SH3GL3: variants seen among roughly 807,000 people sequenced by gnomAD.
SH3GL3 encodes endophilin-A3.
SH3GL3 carries 33 observed loss-of-function variants against 47.7 expected under a neutral mutation model. That is an observed-to-expected ratio of 0.69 (90% CI 0.52 to 0.92). The LOEUF is 0.92. SH3GL3 is among the 40% of genes least tolerant of loss of function. The pLI is 0.00. For missense variants in SH3GL3, 363 were observed against 417.8 expected (o/e 0.87, Z 1.14); for synonymous variants, 155 against 148.8 (o/e 1.04, Z -0.30).
intron 3 of SH3GL3, among the ~76,000 whole-genome samples, chr15:83,566,821 G>T (rs1287095326): frequency 6.6e-6 from 1 of 152,110 alleles, no homozygotes; most frequent in African/African-American, 2.4e-5. Context: ...AATGTGAGTG[G>T]CACTCACAGC....
chr15:83,508,581 CT>C (rs1185421640), intron 1 of SH3GL3, among the ~76,000 whole-genome samples: 1 of 149,102 alleles, frequency 6.7e-6, no homozygotes, highest in Admixed American at 6.7e-5. Flanking sequence ...GATGGGCTTA[CT>C]TTTTTTTTTC....
chr15:83,629,411 C>G, the SH3GL3 span, among the ~76,000 whole-genome samples: 1 of 152,212 alleles, frequency 6.6e-6, no homozygotes, highest in Non-Finnish European at 1.5e-5. Context: ...AAAGCATGGT[C>G]AATTTATTTC....
chr15:83,462,862 A>T (rs1010407000), intron 1 of SH3GL3, among the ~76,000 whole-genome samples: 4 of 152,184 alleles, frequency 2.6e-5, no homozygotes. Flanking sequence ...ATGGCTTGAT[A>T]CTGACTTCCA....
At chr15:83,623,697 C>A (rs2060921036), downstream of SH3GL3, among the ~76,000 whole-genome samples, 1 of 152,214 alleles carries the variant, frequency 6.6e-6, no homozygotes, top group African/African-American at 2.4e-5. Context: ...TATGAATAGC[C>A]ATTAGCTATT....
At chr15:83,467,031 G>A (rs924167499) in intron 1 of SH3GL3, among the ~76,000 whole-genome samples, 52 of 152,258 alleles carry the variant, frequency 3.4e-4, no homozygotes, top group African/African-American at 1.2e-3. Flanking sequence ...CTTTTACAGA[G>A]CAAAAGTTTT....
rs747131301 is a variant in SH3GL3 at position 83,501,560 on chromosome 15, C to T, written c.45+53982C>T. 6.6e-5 allele frequency among the ~76,000 whole-genome samples: 10 copies of T among 152,146 alleles called. No individual in the cohort carries two copies. In the South Asian group the frequency reaches 8.3e-4, roughly 13 times the overall value. ...GTTTGGGTGCAAGATCTCAGTTACT[C>T]GTCCTACACATGAGAAAACCCTTCT... On this transcript the variant is annotated intron_variant, in intron 1 of 8. Coordinates refer to ENST00000427482, the MANE Select transcript of SH3GL3 (RefSeq NM_003027.5).
At chr15:83,510,154 A>G (rs536516048) in intron 1 of SH3GL3, among the ~76,000 whole-genome samples, 1 of 152,238 alleles carries the variant, frequency 6.6e-6, no homozygotes, top group Admixed American at 6.5e-5. Flanking sequence ...TCATCAGACA[A>G]CTTCATCCAG....
At position 83,447,434 on chromosome 15, in the gene SH3GL3, C is replaced by A; in HGVS notation, c.-100C>A. The A allele has an allele frequency of 1.9e-6, 2 of 1,055,590 alleles. No homozygotes were observed. Among genetic ancestry groups the A allele is most frequent in the Non-Finnish European group, 2.5e-6 (2 of 806,438 alleles). 65.4% of individuals were successfully genotyped at this position (1,055,590 alleles called of 1,614,324 possible). Reference sequence around the variant, plus strand: ...GGAGGCGGGCCCGGCGGAGCCCAGCCGCGGGGGGACCGGCCCGGGCTCCCG... The same window carrying A: ...GGAGGCGGGCCCGGCGGAGCCCAGCAGCGGGGGGACCGGCCCGGGCTCCCG... On this transcript the variant is annotated 5_prime_UTR_variant, in exon 1 of 9. Transcript: ENST00000427482. This position sits in a 1 kb window ranked among gnomAD's most constrained non-coding sequence, Gnocchi z 5.1.
the SH3GL3 span, among the ~76,000 whole-genome samples, chr15:83,632,272 A>T: frequency 6.6e-6 from 1 of 152,180 alleles, no homozygotes; most frequent in Non-Finnish European, 1.5e-5. Flanking sequence ...AAACTGTTCC[A>T]ACCCCTGCCT....
intron 1 of SH3GL3, chr15:83,490,713 C>A: frequency 6.7e-7 from 1 of 1,503,286 alleles, no homozygotes; most frequent in Non-Finnish European, 9.0e-7. Context: ...CTCACAAGGG[C>A]AATATCATCC....
intron 8 of SH3GL3, among the ~76,000 whole-genome samples, chr15:83,604,109 G>A (rs2060457292): frequency 6.6e-6 from 1 of 152,032 alleles, no homozygotes; most frequent in African/African-American, 2.4e-5. Context: ...TCGCACCATT[G>A]CACTCCAGGC....
chr15:83,580,594 C>T (rs1259804049), intron 6 of SH3GL3, among the ~76,000 whole-genome samples: 1 of 152,244 alleles, frequency 6.6e-6, no homozygotes, highest in Non-Finnish European at 1.5e-5. Context: ...AGGGACATCT[C>T]TTTAACTGAT....
chr15:83,471,449 C>T (rs1047157989), intron 1 of SH3GL3, among the ~76,000 whole-genome samples: 1 of 152,200 alleles, frequency 6.6e-6, no homozygotes, highest in Non-Finnish European at 1.5e-5. Context: ...TAACTTAGAA[C>T]TATAACAAAC....
chr15:83,543,448 T>A (rs1358765469), intron 1 of SH3GL3, among the ~76,000 whole-genome samples: 1 of 151,934 alleles, frequency 6.6e-6, no homozygotes, highest in Non-Finnish European at 1.5e-5. Context: ...TGTTGTTGTT[T>A]TGTTTGTTTG....
Position 83,448,286 on chromosome 15 carries a change from A to T in SH3GL3, c.45+708A>T, listed in dbSNP as rs1237662945. ...CTCCACGCACAGAGGATGACAAATA[A>T]CACAGTGGGGGCGTCAGGGAGAGCT... On this transcript the variant is annotated intron_variant, in intron 1 of 8. Transcript: ENST00000427482. The surrounding 1 kb of genome is among the most constrained non-coding windows in gnomAD (Gnocchi z 4.2). 1.3e-5 allele frequency among the ~76,000 whole-genome samples: 2 copies of T among 152,110 alleles called. No homozygotes were observed. The highest frequency in any genetic ancestry group is 4.8e-5 in the African/African-American group (2 of 41,430).
intron 1 of SH3GL3, among the ~76,000 whole-genome samples, chr15:83,456,372 T>G (rs8028229): frequency 0.81 from 20,617 of 25,430 alleles, 9,143 homozygotes; most frequent in East Asian, 0.93. Flanking sequence ...GTTTACCTAA[T>G]CAAGCCTGGG....
intron 1 of SH3GL3, among the ~76,000 whole-genome samples, chr15:83,535,717 T>A (rs959644084): frequency 2.6e-5 from 4 of 152,200 alleles, no homozygotes; most frequent in Non-Finnish European, 5.9e-5. Flanking sequence ...CACATTTTGC[T>A]ATGAAATCAA....
chr15:83,519,809 G>A (rs962432017), intron 1 of SH3GL3, among the ~76,000 whole-genome samples: 4 of 152,140 alleles, frequency 2.6e-5, no homozygotes, highest in Non-Finnish European at 5.9e-5. Context: ...TTTATACGTA[G>A]CTGTTTTAGA....
chr15:83,547,986 C>T (rs2044486988), intron 1 of SH3GL3, among the ~76,000 whole-genome samples: 1 of 151,836 alleles, frequency 6.6e-6, no homozygotes, highest in Non-Finnish European at 1.5e-5. Context: ...CATTTTACTA[C>T]TCTAGTAGCT....
Sources: allele counts gnomAD v4.1 joint callset (sites outside exome capture counted in the v4.1 genomes callset), GRCh38; gene constraint gnomAD v4.1.1; non-coding constraint Gnocchi (gnomAD v3.1); transcripts MANE v1.5; gene names NCBI Gene and HGNC (gene_info 2026-07-23, HGNC 2026-07-21).